The following ADCY5 variants were observed in gnomAD, a reference collection of about 807,000 sequenced individuals.
The protein encoded by ADCY5 is adenylate cyclase type 5.
A neutral mutation model predicts 119.7 loss-of-function variants in ADCY5; 30 were observed. The observed-to-expected ratio is 0.25, with a 90% confidence interval of 0.19 to 0.34. The LOEUF (loss-of-function observed/expected upper bound fraction) is 0.34, where lower values mean the gene tolerates loss of function less well. Ranked by LOEUF, ADCY5 falls within the 10% of genes least tolerant of loss-of-function variation. ADCY5 has a pLI of 1.00. For synonymous variants in ADCY5, 753 were observed against 762.2 expected (o/e 0.99, Z 0.20); for missense variants, 1,324 against 1,775.2 (o/e 0.75, Z 4.57).
chr3:123,377,598 C>G (rs1223556442), intron 1 of ADCY5, among the ~76,000 whole-genome samples: 1 of 151,762 alleles, frequency 6.6e-6, no homozygotes, highest in Non-Finnish European at 1.5e-5. Flanking sequence ...AGACTGTGAG[C>G]TCCATGAGGG....
chr3:123,344,386 C>A (rs980424624), intron 3 of ADCY5, among the ~76,000 whole-genome samples: 19 of 152,150 alleles, frequency 1.2e-4, no homozygotes, highest in Admixed American at 1.0e-3. Flanking sequence ...ATAAAAATAA[C>A]AGTAACAATA....
rs1461350690 is a variant in ADCY5 at position 123,332,602 on chromosome 3, G to C, written c.1480C>G (p.Leu494Val). ...QCTAQELVMT[L>V]NELFARFDKL... ...TCAAAGCGGGCGAAGAGCTCGTTGA[G>C]GGTCATGACCAGTTCCTGTGCAGTG... The change falls in exon 4 of 21, where the codon CTC becomes GTC. Residue 494 changes from leucine (L) to valine (V), a missense_variant. By Grantham distance (32) the Leu-to-Val change is conservative (BLOSUM62 1). This residue lies in a region of ADCY5 where 123 missense variants were observed against 287.9 expected (regional missense o/e 0.43). Coordinates refer to ENST00000462833, the MANE Select transcript of ADCY5 (RefSeq NM_183357.3). The C allele has an allele frequency of 6.2e-7, 1 of 1,613,782 alleles. No homozygotes were observed. The highest frequency in any genetic ancestry group is 8.5e-7 in the Non-Finnish European group (1 of 1,179,874).
In ADCY5 at chr3:123,325,449, G is replaced by C. The variant is rs1297517628; in HGVS notation, c.1961C>G (p.Ala654Gly). 6.2e-7 allele frequency: 1 copy of C among 1,614,086 alleles called. No individual in the cohort carries two copies. Among genetic ancestry groups the C allele is most frequent in the Non-Finnish European group, 8.5e-7 (1 of 1,180,014 alleles). Residue 654 changes from alanine (A) to glycine (G), a missense_variant, in exon 8 of 21, where the codon GCC becomes GGC. Coordinates refer to ENST00000462833, the MANE Select transcript of ADCY5 (RefSeq NM_183357.3). ...RCTQKRKEEK[A>G]MIAKMNRQRT... is the part of the protein sequence containing the mutation. ...CTGGCGGTTCATCTTGGCGATCATG[G>C]CCTTCTCTTCTTTCTGGAAGACGAA...
At chr3:123,343,995 C>G (rs1942403500) in intron 3 of ADCY5, among the ~76,000 whole-genome samples, 1 of 152,222 alleles carries the variant, frequency 6.6e-6, no homozygotes, top group Non-Finnish European at 1.5e-5. Context: ...TCAAAACATC[C>G]TACAGGCTCC....
chr3:123,448,599 G>A lies in ADCY5; in HGVS notation c.-54C>T. On this transcript the variant is annotated 5_prime_UTR_variant, in exon 1 of 21. Coordinates refer to ENST00000462833, the MANE Select transcript of ADCY5 (RefSeq NM_183357.3). ...TCCTCCCCCGGAAGCCGGGCCGGGG[G>A]TCTCCAAGGGGAGGGCGGACGGCCG... The A allele has an allele frequency of 7.9e-7, 1 of 1,265,590 alleles. No homozygotes were observed. Among genetic ancestry groups the A allele is most frequent in the East Asian group, 3.2e-5 (1 of 31,726 alleles). 78.4% of individuals were successfully genotyped at this position (1,265,590 alleles called of 1,614,324 possible). A position where few individuals can be genotyped will look rare whatever the true frequency, so the allele number is the denominator to read the frequency against.
intron 1 of ADCY5, among the ~76,000 whole-genome samples, chr3:123,424,605 G>A (rs1945364452): frequency 6.6e-6 from 1 of 152,216 alleles, no homozygotes; most frequent in African/African-American, 2.4e-5. Flanking sequence ...GGGCATTTCT[G>A]AGGAGGTGGC....
chr3:123,431,774 T>C (rs1945528129), intron 1 of ADCY5, among the ~76,000 whole-genome samples: 1 of 152,206 alleles, frequency 6.6e-6, no homozygotes, highest in African/African-American at 2.4e-5. Flanking sequence ...CTTACACGCC[T>C]GCAATCATTT....
In ADCY5 at chr3:123,328,732, C is replaced by T. The variant is rs1036532354; in HGVS notation, c.1717G>A (p.Gly573Ser). 1.2e-6 allele frequency: 2 copies of T among 1,614,100 alleles called. No individual in the cohort carries two copies. The highest frequency in any genetic ancestry group is 1.3e-5 in the African/African-American group (1 of 74,940). Residue 573 changes from glycine to serine, a missense_variant, in exon 6 of 21, where the codon GGT (glycine) becomes AGT (serine). Around this residue, in one of 6 missense-constraint regions of ADCY5, gnomAD observed 123 missense variants for 287.9 expected, o/e 0.43. Coordinates refer to ENST00000462833, the MANE Select transcript of ADCY5 (RefSeq NM_183357.3). ...TGCCACTTCCTGAGACCAAGGACAC[C>T]GCAGTGTACTCGCCCGCTGTGAATT... ...VGIHSGRVHC[G>S]VLGLRKWQFD...
intron 1 of ADCY5, among the ~76,000 whole-genome samples, chr3:123,444,408 G>C (rs1576701559): frequency 6.6e-6 from 1 of 152,118 alleles, no homozygotes; most frequent in Non-Finnish European, 1.5e-5. Flanking sequence ...GGATCAGAGG[G>C]AGAGGGAAGA....
intron 1 of ADCY5, among the ~76,000 whole-genome samples, chr3:123,432,377 G>A (rs1340353788): frequency 1.3e-5 from 2 of 152,134 alleles, no homozygotes; most frequent in Non-Finnish European, 2.9e-5. Flanking sequence ...CAGCAGGCAG[G>A]AAAAGACACC....
At position 123,286,335 on chromosome 3, in the gene ADCY5, G is replaced by A. The variant is rs929282370; in HGVS notation, c.3657+350C>T. Among the ~76,000 whole-genome samples the A allele has an allele frequency of 3.9e-5, 6 of 152,138 alleles. No individual in the cohort carries two copies. Among genetic ancestry groups the A allele is most frequent in the African/African-American group, 1.4e-4 (6 of 41,432 alleles). On this transcript the variant is annotated intron_variant, in intron 20 of 20. Coordinates refer to ENST00000462833, the MANE Select transcript of ADCY5 (RefSeq NM_183357.3). The surrounding 1 kb of genome is among the most constrained non-coding windows in gnomAD (Gnocchi z 4.2). ...GCTCAATGGGTAAGACCTGCTCCCT[G>A]CAGACATCTTTGCATCCTCTCTGTG...
intron 1 of ADCY5, among the ~76,000 whole-genome samples, chr3:123,444,380 G>T (rs1337055935): frequency 6.6e-6 from 1 of 152,166 alleles, no homozygotes; most frequent in Non-Finnish European, 1.5e-5. Flanking sequence ...GAGAGGTGAG[G>T]TGGGCAGACA....
Position 123,352,522 on chromosome 3 carries a change from A to C in ADCY5, c.1194T>G (p.Tyr398Ter). The C allele has an allele frequency of 6.2e-7, 1 of 1,613,994 alleles. No individual in the cohort carries two copies. Among genetic ancestry groups the C allele is most frequent in the Non-Finnish European group, 8.5e-7 (1 of 1,179,940 alleles). The stretch of plus-strand genomic sequence containing the variant: ...CCTGTCTCTGGGAGACCTCAGCCGG[A>C]TAGTGGGTGCAGACACCCACGATGT... ...CTNIVGVCTH[Y>*]PAEVSQRQAF... The change falls in exon 2 of 21, where the codon TAT becomes TAG. Residue 398 changes from tyrosine (Y) to a stop codon, truncating the protein, a stop_gained. Coordinates refer to ENST00000462833, the MANE Select transcript of ADCY5 (RefSeq NM_183357.3). LOFTEE classifies it high-confidence loss of function. The surrounding 1 kb of genome is among the most constrained non-coding windows in gnomAD (Gnocchi z 4.8).
rs914645296 is a variant in ADCY5, at chr3:123,332,715, G to C, written c.1407-40C>G. 9 of 1,304,228 alleles carry C rather than the reference G, an allele frequency of 6.9e-6. No individual in the cohort carries two copies. The African/African-American group carries it at 1.0e-4, about 15-fold the overall frequency. 80.8% of individuals were successfully genotyped at this position (1,304,228 alleles called of 1,614,324 possible). ...GAGGAGGAAGACCCTGCTATAGGCT[G>C]AATCTTTGTGTCTCCCAAATTCATA... is the stretch of plus-strand genomic sequence containing the variant. On this transcript the variant is annotated intron_variant, in intron 3 of 20. Coordinates refer to ENST00000462833, the MANE Select transcript of ADCY5 (RefSeq NM_183357.3).
chr3:123,387,183 A>G (rs1174350356), intron 1 of ADCY5, among the ~76,000 whole-genome samples: 1 of 152,270 alleles, frequency 6.6e-6, no homozygotes, highest in African/African-American at 2.4e-5. Context: ...GTGTATACAC[A>G]GATTTTATTA....
At chr3:123,407,527 G>GTATC (rs1012146348) in intron 1 of ADCY5, among the ~76,000 whole-genome samples, 2 of 149,068 alleles carry the variant, frequency 1.3e-5, no homozygotes, top group African/African-American at 2.5e-5. Flanking sequence ...AAAGCAGGAG[G>GTATC]TATCGCTTGA....
At chr3:123,420,383 T>G (rs1464613914) in intron 1 of ADCY5, 2 of 152,232 alleles carry the variant, frequency 1.3e-5, no homozygotes, top group Non-Finnish European at 2.9e-5. Flanking sequence ...GCCAAAACCC[T>G]GCTTTGGGTT....
intron 1 of ADCY5, among the ~76,000 whole-genome samples, chr3:123,427,751 C>T (rs1576690692): frequency 6.6e-6 from 1 of 152,294 alleles, no homozygotes; most frequent in East Asian, 1.9e-4. Context: ...CATAGGACTA[C>T]TGTGGAGATT....
intron 1 of ADCY5, among the ~76,000 whole-genome samples, chr3:123,355,092 G>A (rs1046367037): frequency 1.3e-4 from 20 of 152,272 alleles, no homozygotes; most frequent in Admixed American, 6.5e-4. Context: ...CATCACACTG[G>A]AGGTCCTAGC....
Sources: allele counts gnomAD v4.1 joint callset (sites outside exome capture counted in the v4.1 genomes callset), GRCh38; gene constraint gnomAD v4.1.1; regional missense constraint gnomAD v4.1.1; non-coding constraint Gnocchi (gnomAD v3.1); transcripts MANE v1.5; gene names NCBI Gene and HGNC (gene_info 2026-07-23, HGNC 2026-07-21).